Variants in MACROD2 observed in about 807,000 individuals in gnomAD.
The protein encoded by MACROD2 is mono-ADP ribosylhydrolase 2, also known as ADP-ribose glycohydrolase MACROD2.
In MACROD2, 36 loss-of-function variants were observed where a neutral mutation model predicts 70.4. The ratio of observed to expected loss-of-function variants is 0.51; its 90% CI spans 0.39 to 0.68. The LOEUF (loss-of-function observed/expected upper bound fraction) is 0.68, where lower values mean the gene tolerates loss of function less well. Ranked by LOEUF, MACROD2 falls within the 30% of genes least tolerant of loss-of-function variation. MACROD2 has a pLI of 0.00. For missense variants in MACROD2, 496 were observed against 538.4 expected (o/e 0.92, Z 0.78); for synonymous variants, 172 against 178.8 (o/e 0.96, Z 0.30).
At chr20:15,603,604 C>T (rs2048854504) in intron 8 of MACROD2, among the ~76,000 whole-genome samples, 1 of 151,910 alleles carries the variant, frequency 6.6e-6, no homozygotes, top group Non-Finnish European at 1.5e-5. Context: ...GAAACTTACC[C>T]CTAAAGGCAG....
chr20:15,719,632 ACTTT>A lies in MACROD2; in HGVS notation c.646-143108_646-143105del, dbSNP rs147564858. Among the ~76,000 whole-genome samples the A allele has an allele frequency of 6.1e-4, 93 of 152,162 alleles. No homozygotes were observed. In the East Asian group the frequency reaches 0.016, roughly 26 times the overall value. On this transcript the variant is annotated intron_variant, in intron 8 of 17. Coordinates refer to ENST00000684519, the MANE Select transcript of MACROD2 (RefSeq NM_001351661.2). ...TGGCATCATGTCTTTCCATCTTTTT[ACTTT>A]CTTTTATTTTTAAATTTATTTATAT...
intron 6 of MACROD2, among the ~76,000 whole-genome samples, chr20:15,401,540 C>T (rs1368440415): frequency 6.6e-6 from 1 of 152,158 alleles, no homozygotes; most frequent in Non-Finnish European, 1.5e-5. Context: ...CAGAACCACA[C>T]TTTGCTGCTA....
intron 8 of MACROD2, among the ~76,000 whole-genome samples, chr20:15,577,446 C>T (rs895690017): frequency 6.6e-6 from 1 of 152,132 alleles, no homozygotes; most frequent in African/African-American, 2.4e-5. Context: ...ATAATGCCAT[C>T]ATCACAGCTA....
At chr20:15,729,831 C>CTTTTTTTTTTT (rs61542762) in intron 8 of MACROD2, among the ~76,000 whole-genome samples, 2,139 of 64,548 alleles carry the variant, frequency 0.033, 592 homozygotes, top group South Asian at 0.088. Context: ...TTGGGTCATG[C>CTTTTTTTTTTT]TTTTTTTTTT....
intron 8 of MACROD2, among the ~76,000 whole-genome samples, chr20:15,694,254 T>C (rs1352545424): frequency 6.6e-6 from 1 of 152,208 alleles, no homozygotes; most frequent in Non-Finnish European, 1.5e-5. Context: ...CTGGATCAAA[T>C]GGTAGTTCTA....
chr20:14,226,846 C>T (rs1025203047), intron 3 of MACROD2, among the ~76,000 whole-genome samples: 5 of 152,238 alleles, frequency 3.3e-5, no homozygotes, highest in African/African-American at 1.2e-4. Flanking sequence ...GCCCCCTGCT[C>T]CACGGCGCCC....
At position 14,781,063 on chromosome 20, in the gene MACROD2, C is replaced by T. The variant is rs115471322; in HGVS notation, c.418+96104C>T. On this transcript the variant is annotated intron_variant, in intron 5 of 17. Coordinates refer to ENST00000684519, the MANE Select transcript of MACROD2 (RefSeq NM_001351661.2). The stretch of plus-strand genomic sequence containing the variant: ...TTTTTGTGGTAAGAACATTAAACAT[C>T]GTCTCTGTTTGCTGTTTTGAAATAT... Among the ~76,000 whole-genome samples, 843 of 152,136 alleles carry T rather than the reference C, an allele frequency of 5.5e-3. 7 individuals are homozygous for T. The highest frequency in any genetic ancestry group is 0.014 in the African/African-American group (571 of 41,466).
chr20:14,428,833 A>AT (rs1009347682), intron 3 of MACROD2, among the ~76,000 whole-genome samples: 1 of 152,156 alleles, frequency 6.6e-6, no homozygotes, highest in African/African-American at 2.4e-5. Context: ...TCATTGAGTG[A>AT]TTTTTTATTG....
intron 8 of MACROD2, among the ~76,000 whole-genome samples, chr20:15,704,070 A>G (rs868819858): frequency 2.0e-5 from 3 of 152,170 alleles, no homozygotes; most frequent in Non-Finnish European, 2.9e-5. Flanking sequence ...GAGCCACACC[A>G]TCCTAACCCC....
intron 3 of MACROD2, among the ~76,000 whole-genome samples, chr20:14,413,872 T>C (rs2122872823): frequency 6.9e-6 from 1 of 143,994 alleles, no homozygotes; most frequent in East Asian, 2.1e-4. Flanking sequence ...TTGCTCTTGG[T>C]GTGAATGCAA....
intron 9 of MACROD2, among the ~76,000 whole-genome samples, chr20:15,877,521 G>T (rs2064692895): frequency 6.6e-6 from 1 of 152,066 alleles, no homozygotes; most frequent in African/African-American, 2.4e-5. Context: ...AGTAGATTTA[G>T]CAATTTGTTA....
intron 3 of MACROD2, among the ~76,000 whole-genome samples, chr20:14,228,432 G>C (rs922505357): frequency 1.3e-5 from 2 of 151,432 alleles, no homozygotes; most frequent in Non-Finnish European, 2.9e-5. Context: ...CCATCTCCCG[G>C]GTTCACGCCA....
intron 8 of MACROD2, among the ~76,000 whole-genome samples, chr20:15,749,382 T>C (rs910466739): frequency 6.6e-6 from 1 of 152,088 alleles, no homozygotes; most frequent in Non-Finnish European, 1.5e-5. Flanking sequence ...TTTGAAATTA[T>C]ATTTCTCTAT....
At chr20:15,613,850 G>A (rs753465222) in intron 8 of MACROD2, among the ~76,000 whole-genome samples, 1 of 152,178 alleles carries the variant, frequency 6.6e-6, no homozygotes, top group Non-Finnish European at 1.5e-5. Flanking sequence ...TTGATAAGTT[G>A]GCTGAATACA....
intron 6 of MACROD2, among the ~76,000 whole-genome samples, chr20:15,343,993 T>C (rs1349511913): frequency 1.3e-5 from 2 of 152,200 alleles, no homozygotes; most frequent in African/African-American, 2.4e-5. Flanking sequence ...CATTTATCTA[T>C]GTATAGAAAA....
At chr20:15,193,687 T>G (rs1388841267) in intron 5 of MACROD2, among the ~76,000 whole-genome samples, 1 of 151,700 alleles carries the variant, frequency 6.6e-6, no homozygotes, top group East Asian at 2.0e-4. Flanking sequence ...GATGAATAAA[T>G]AGCCTGCCGT....
intron 4 of MACROD2, among the ~76,000 whole-genome samples, chr20:14,498,657 C>A (rs1257202661): frequency 6.6e-6 from 1 of 152,136 alleles, no homozygotes; most frequent in Non-Finnish European, 1.5e-5. Flanking sequence ...AAAGGCAGAG[C>A]AGATATCCTG....
chr20:14,515,471 A>ACGCGCGCGCGCGCGCGCG (rs1182346144), intron 4 of MACROD2, among the ~76,000 whole-genome samples: 107 of 99,870 alleles, frequency 1.1e-3, no homozygotes, highest in African/African-American at 3.8e-3. Flanking sequence ...ACACGCACAC[A>ACGCGCGCGCGCGCGCGCG]CACACACACA....
intron 3 of MACROD2, among the ~76,000 whole-genome samples, chr20:14,372,275 T>C (rs901811745): frequency 1.3e-4 from 20 of 152,132 alleles, no homozygotes; most frequent in Non-Finnish European, 2.9e-5. Flanking sequence ...AAAATAAGTC[T>C]TAATTAGGAA....
Sources: gnomAD v4.1 joint callset for allele counts (sites outside exome capture counted in the v4.1 genomes callset) on GRCh38, gnomAD v4.1.1 for gene constraint, MANE v1.5 for transcripts, NCBI Gene and HGNC (gene_info 2026-07-23, HGNC 2026-07-21) for gene names.